Variants in LRCH2 observed in about 807,000 individuals in gnomAD.
LRCH2 encodes leucine-rich repeat and calponin homology domain-containing protein 2.
LRCH2 carries 38 observed loss-of-function variants against 68.9 expected under a neutral mutation model. The ratio of observed to expected loss-of-function variants is 0.55; its 90% CI spans 0.43 to 0.72. LRCH2 has a LOEUF of 0.72. Ranked by LOEUF, LRCH2 falls within the 30% of genes least tolerant of loss-of-function variation. The probability of loss-of-function intolerance (pLI) is 0.00; values close to 1 mark genes in which losing one functional copy is unlikely to be tolerated. For missense variants in LRCH2, 528 were observed against 572.9 expected, an observed-to-expected ratio of 0.92 and a Z score of 0.80; for synonymous variants, 191 against 208.1, an observed-to-expected ratio of 0.92 and a Z score of 0.71.
chrX:115,175,128 C>T (rs1054660013), intron 5 of LRCH2, among the ~76,000 whole-genome samples: 1 of 111,920 alleles, frequency 8.9e-6, no homozygotes, highest in Non-Finnish European at 1.9e-5. Flanking sequence ...TGGAAGGTGG[C>T]GTGCCCACAG....
At chrX:115,224,582 G>A (rs920142110) in intron 1 of LRCH2, among the ~76,000 whole-genome samples, 1 of 108,833 alleles carries the variant, frequency 9.2e-6, no homozygotes, top group African/African-American at 3.4e-5. Flanking sequence ...TACTCGGGAG[G>A]CTGAGGTAGG....
rs782613086 is a variant in LRCH2 at position 115,192,469 on chromosome X, C to T, written c.350-4099G>A. 5.1e-5 allele frequency: 60 copies of T among 1,169,215 alleles called. No individual in the cohort carries two copies. Among genetic ancestry groups the T allele is most frequent in the Non-Finnish European group, 9.2e-6 (8 of 874,220 alleles). On this transcript the variant is annotated intron_variant, in intron 1 of 20. Transcript: ENST00000317135. Reference sequence around the variant, plus strand: ...CAGCAACAGTTACGGCCGGAGCGACCGCTACTCGAGGGGTCGAGACCGGGT... The same window carrying T: ...CAGCAACAGTTACGGCCGGAGCGACTGCTACTCGAGGGGTCGAGACCGGGT...
At chrX:115,210,990 G>T (rs1210117789) in intron 1 of LRCH2, among the ~76,000 whole-genome samples, 1 of 112,207 alleles carries the variant, frequency 8.9e-6, no homozygotes, top group African/African-American at 3.2e-5. Context: ...TATCTAGGAA[G>T]TAACTAACTT....
intron 16 of LRCH2, chrX:115,126,332 C>T (rs917818604): frequency 9.0e-6 from 1 of 111,536 alleles, no homozygotes; most frequent in South Asian, 3.8e-4. Flanking sequence ...AACCTCCTGT[C>T]GATAGGAACA....
chrX:115,231,267 C>T (rs1044062885), intron 1 of LRCH2, among the ~76,000 whole-genome samples: 7 of 111,388 alleles, frequency 6.3e-5, no homozygotes, highest in Admixed American at 5.7e-4. Context: ...CCAAACAGAT[C>T]ATTTTCATCA....
chrX:115,171,665 CTTTT>C (rs1192441929), intron 5 of LRCH2, among the ~76,000 whole-genome samples: 1 of 108,952 alleles, frequency 9.2e-6, no homozygotes, highest in Non-Finnish European at 1.9e-5. Context: ...TCTACTTCTC[CTTTT>C]TTTTGTTTTT....
At chrX:115,193,218 G>GAA (rs1266773536) in intron 1 of LRCH2, among the ~76,000 whole-genome samples, 7 of 105,598 alleles carry the variant, frequency 6.6e-5, no homozygotes, top group African/African-American at 2.4e-4. Context: ...AAAGTAAATG[G>GAA]AAAAAAAAAA....
chrX:115,148,158 G>A lies in LRCH2; in HGVS notation c.1695+1669C>T, dbSNP rs782495592. ...TTAAGCTATACACAGTAGATAAAGA[G>A]GCAGCCTAGCATAGGCTTTGGGTTC... On this transcript the variant is annotated intron_variant, in intron 14 of 20. Coordinates refer to ENST00000317135, the MANE Select transcript of LRCH2 (RefSeq NM_020871.4). Among the ~76,000 whole-genome samples, 12 of 112,404 alleles carry A rather than the reference G, an allele frequency of 1.1e-4. No individual in the cohort carries two copies. The South Asian group carries it at 4.0e-3, about 38-fold the overall frequency.
At position 115,191,258 on chromosome X, in the gene LRCH2, G is replaced by A. The variant is rs200443208; in HGVS notation, c.350-2888C>T. ...TCCCTCGATGCCAACAGTGGAGGCCGCTCGCCCAATGCCTACAGCGGGGGC... is the reference window on the plus strand; with the variant it reads ...TCCCTCGATGCCAACAGTGGAGGCCACTCGCCCAATGCCTACAGCGGGGGC... On this transcript the variant is annotated intron_variant, in intron 1 of 20. Coordinates refer to ENST00000317135, the MANE Select transcript of LRCH2 (RefSeq NM_020871.4). 2.4e-4 allele frequency: 271 copies of A among 1,151,858 alleles called. 3 individuals are homozygous for A. In the East Asian group the frequency reaches 5.9e-3, roughly 25 times the overall value. 94.9% of individuals were successfully genotyped at this position (1,151,858 alleles called of 1,213,427 possible).
At chrX:115,118,013 A>T (rs2072098727) in intron 20 of LRCH2, among the ~76,000 whole-genome samples, 1 of 110,516 alleles carries the variant, frequency 9.0e-6, no homozygotes. Context: ...TATATTACCA[A>T]TTCTGAGTTC....
At position 115,190,091 on chromosome X, in the gene LRCH2, G is replaced by A. The variant is rs190459935; in HGVS notation, c.350-1721C>T. 4.3e-4 allele frequency: 494 copies of A among 1,153,790 alleles called. 1 individual carries two copies. In the African/African-American group the frequency reaches 8.0e-3, roughly 19 times the overall value. ...CCCCGGTCAAGCCTGGCTCGCATTG[G>A]CGGCAGTGGAATGCCTGGGAAGGCC... On this transcript the variant is annotated intron_variant, in intron 1 of 20. Coordinates refer to ENST00000317135, the MANE Select transcript of LRCH2 (RefSeq NM_020871.4).
chrX:115,139,695 G>C lies in LRCH2; in HGVS notation c.1696-9496C>G, dbSNP rs184995477. 2.6e-4 allele frequency among the ~76,000 whole-genome samples: 29 copies of C among 111,124 alleles called. 1 individual carries two copies. The highest frequency in any genetic ancestry group is 1.8e-3 in the Admixed American group (19 of 10,457). On this transcript the variant is annotated intron_variant, in intron 14 of 20. Transcript: ENST00000317135. ...AAAGCCTGTATACTTGGGGGAGGGA[G>C]AGCACAGGGACTGGGGGGCTTTACA...
intron 11 of LRCH2, among the ~76,000 whole-genome samples, chrX:115,161,287 G>C (rs2072517215): frequency 9.0e-6 from 1 of 111,245 alleles, no homozygotes; most frequent in Non-Finnish European, 1.9e-5. Context: ...CCAGGAGGCA[G>C]AGGCTGCAGT....
intron 20 of LRCH2, among the ~76,000 whole-genome samples, chrX:115,114,119 C>T (rs781809010): frequency 3.6e-5 from 4 of 111,372 alleles, no homozygotes; most frequent in Non-Finnish European, 7.6e-5. Context: ...AATGTGTCCA[C>T]AACAGAACTA....
At chrX:115,181,939 A>C (rs1381675814) in intron 3 of LRCH2, among the ~76,000 whole-genome samples, 2 of 111,899 alleles carry the variant, frequency 1.8e-5, no homozygotes, top group African/African-American at 6.5e-5. Flanking sequence ...AACATATATT[A>C]ACTTTTTTTT....
At chrX:115,115,705 C>T (rs1382381013) in intron 20 of LRCH2, among the ~76,000 whole-genome samples, 1 of 110,618 alleles carries the variant, frequency 9.0e-6, no homozygotes, top group Non-Finnish European at 1.9e-5. Flanking sequence ...GGATAAACTA[C>T]ACTTCATCAA....
At chrX:115,156,105 G>A (rs1556539634) in intron 12 of LRCH2, among the ~76,000 whole-genome samples, 1 of 111,313 alleles carries the variant, frequency 9.0e-6, no homozygotes, top group African/African-American at 3.3e-5. Flanking sequence ...AACATTCTCA[G>A]AGGATTGACT....
chrX:115,186,141 A>G (rs1362937652), intron 2 of LRCH2, among the ~76,000 whole-genome samples: 4 of 111,408 alleles, frequency 3.6e-5, no homozygotes, highest in African/African-American at 1.3e-4. Flanking sequence ...CGGGCAAATC[A>G]TTTGAGGTCA....
intron 5 of LRCH2, 63 bp downstream of exon 5, chrX:115,179,364 T>C: frequency 2.1e-6 from 2 of 939,194 alleles, no homozygotes; most frequent in South Asian, 3.4e-5. Flanking sequence ...GATTTACCAG[T>C]CATAAACAGA....
Sources: gnomAD v4.1 joint callset for allele counts (sites outside exome capture counted in the v4.1 genomes callset) on GRCh38, gnomAD v4.1.1 for gene constraint, MANE v1.5 for transcripts, NCBI Gene and HGNC (gene_info 2026-07-23, HGNC 2026-07-21) for gene names.